Variants in DAB1 observed in about 807,000 individuals in gnomAD.
The protein encoded by DAB1 is disabled homolog 1.
DAB1 carries 15 observed loss-of-function variants against 64.6 expected under a neutral mutation model. That is an observed-to-expected ratio of 0.23 (90% CI 0.16 to 0.36). DAB1 has a LOEUF of 0.36. Ranked by LOEUF, DAB1 falls within the 10% of genes least tolerant of loss-of-function variation. The probability of loss-of-function intolerance (pLI) is 1.00; values close to 1 mark genes in which losing one functional copy is unlikely to be tolerated. For missense variants in DAB1, 596 were observed against 706.7 expected (o/e 0.84, Z 1.78); for synonymous variants, 235 against 251.9 (o/e 0.93, Z 0.64).
chr1:57,381,738 T>C (rs1681394755), intron 1 of DAB1, among the ~76,000 whole-genome samples: 1 of 152,216 alleles, frequency 6.6e-6, no homozygotes, highest in African/African-American at 2.4e-5. Context: ...GTCTGTACAA[T>C]CAATTCTCTA....
intron 4 of DAB1, among the ~76,000 whole-genome samples, chr1:57,089,058 T>C (rs572760608): frequency 2.6e-5 from 4 of 152,366 alleles, no homozygotes; most frequent in Admixed American, 2.0e-4. Context: ...ATGCTTTTTG[T>C]GACTTTCCTT....
intron 4 of DAB1, among the ~76,000 whole-genome samples, chr1:58,244,911 G>A (rs1660462595): frequency 6.6e-6 from 1 of 152,110 alleles, no homozygotes; most frequent in South Asian, 2.1e-4. Context: ...CCTACCCAGA[G>A]GCAGATGCTA....
At chr1:57,121,489 C>T (rs759587935) in intron 4 of DAB1, among the ~76,000 whole-genome samples, 1 of 151,842 alleles carries the variant, frequency 6.6e-6, no homozygotes, top group South Asian at 2.1e-4. Flanking sequence ...AAGGAATTGT[C>T]CCAACTGGAA....
At chr1:57,993,989 G>A (rs1259992378) in intron 5 of DAB1, among the ~76,000 whole-genome samples, 1 of 152,144 alleles carries the variant, frequency 6.6e-6, no homozygotes, top group Non-Finnish European at 1.5e-5. Flanking sequence ...ATAAACCAAA[G>A]AGGTCTCTCT....
intron 2 of DAB1, among the ~76,000 whole-genome samples, chr1:57,211,034 T>C (rs1307663859): frequency 6.6e-6 from 1 of 152,230 alleles, no homozygotes; most frequent in East Asian, 1.9e-4. Flanking sequence ...TTTCATTTTG[T>C]TTCTCTTCAG....
chr1:57,925,655 G>C (rs1046562349), intron 5 of DAB1, among the ~76,000 whole-genome samples: 4 of 152,160 alleles, frequency 2.6e-5, no homozygotes, highest in African/African-American at 9.7e-5. Flanking sequence ...GTCCAATTCT[G>C]TCATTTTCCA....
chr1:58,291,740 CG>C (rs1661843721), intron 4 of DAB1, among the ~76,000 whole-genome samples: 1 of 152,028 alleles, frequency 6.6e-6, no homozygotes, highest in South Asian at 2.1e-4. Flanking sequence ...GGGAACCTGG[CG>C]GGGGGAGACA....
intron 7 of DAB1, among the ~76,000 whole-genome samples, chr1:57,460,747 C>T (rs181637217): frequency 2.0e-5 from 3 of 152,202 alleles, no homozygotes; most frequent in African/African-American, 4.8e-5. Flanking sequence ...TAGGTACATT[C>T]GCCAGCCCTC....
Position 57,044,354 on chromosome 1 carries a change from A to G in DAB1, c.724-18311T>C, listed in dbSNP as rs372190086. Among the ~76,000 whole-genome samples, 14 of 152,342 alleles carry G rather than the reference A, an allele frequency of 9.2e-5. No homozygotes were observed. The East Asian group carries it at 2.5e-3, about 27-fold the overall frequency. ...TAGACCTTATTTGAAAAATGGGTGA[A>G]GGAATGAATGCTTGAGCAGAGCAAT... On this transcript the variant is annotated intron_variant, in intron 9 of 14. Transcript: ENST00000371236.
intron 1 of DAB1, among the ~76,000 whole-genome samples, chr1:57,869,755 T>G (rs999675524): frequency 3.9e-5 from 6 of 152,150 alleles, no homozygotes; most frequent in Non-Finnish European, 8.8e-5. Flanking sequence ...AATTTATTAC[T>G]TCTCTCAGAA....
intron 1 of DAB1, among the ~76,000 whole-genome samples, chr1:57,413,687 T>TA (rs1276648794): frequency 7.3e-6 from 1 of 136,954 alleles, no homozygotes; most frequent in Non-Finnish European, 1.5e-5. Flanking sequence ...GAGCTTGCAG[T>TA]GAGCTGAGAT....
At chr1:58,079,569 T>A (rs1294834321) in intron 5 of DAB1, among the ~76,000 whole-genome samples, 3 of 137,530 alleles carry the variant, frequency 2.2e-5, no homozygotes, top group Non-Finnish European at 4.6e-5. Context: ...GTCGCCCAGG[T>A]TGGAGTGCAA....
At chr1:57,246,696 C>A (rs1423386403) in intron 2 of DAB1, among the ~76,000 whole-genome samples, 1 of 152,238 alleles carries the variant, frequency 6.6e-6, no homozygotes, top group Non-Finnish European at 1.5e-5. Flanking sequence ...GCCACAGGCA[C>A]TGAATGCCAG....
intron 5 of DAB1, among the ~76,000 whole-genome samples, chr1:58,030,454 C>G (rs1183483787): frequency 1.3e-5 from 2 of 152,158 alleles, no homozygotes; most frequent in East Asian, 3.8e-4. Flanking sequence ...TATCAAGCTC[C>G]ACACTCAAAA....
At chr1:58,388,228 A>C (rs1387481230) in intron 3 of DAB1, among the ~76,000 whole-genome samples, 1 of 151,760 alleles carries the variant, frequency 6.6e-6, no homozygotes. Context: ...CTCTGACACC[A>C]CTCTCCTTAT....
chr1:58,470,930 G>A (rs2100329763), intron 3 of DAB1, among the ~76,000 whole-genome samples: 1 of 152,268 alleles, frequency 6.6e-6, no homozygotes, highest in Middle Eastern at 3.4e-3. Context: ...CAGAATCGTA[G>A]CAGCAAAAGC....
At chr1:57,279,378 TA>T (rs1319822153) in intron 2 of DAB1, among the ~76,000 whole-genome samples, 2 of 152,238 alleles carry the variant, frequency 1.3e-5, no homozygotes, top group Admixed American at 6.5e-5. Flanking sequence ...AAATTTGTAT[TA>T]TTTTTTAATT....
chr1:57,682,168 T>C (rs1558605881), intron 6 of DAB1, among the ~76,000 whole-genome samples: 1 of 151,706 alleles, frequency 6.6e-6, no homozygotes, highest in Non-Finnish European at 1.5e-5. Flanking sequence ...AAAGAGAATT[T>C]TTAAAACATC....
chr1:57,132,935 G>A (rs552850512), intron 4 of DAB1, among the ~76,000 whole-genome samples: 5 of 152,186 alleles, frequency 3.3e-5, no homozygotes, highest in South Asian at 4.2e-4. Context: ...ATAAAATTTG[G>A]TATGCTATTA....
Sources: gnomAD v4.1 joint callset for allele counts (sites outside exome capture counted in the v4.1 genomes callset) on GRCh38, gnomAD v4.1.1 for gene constraint, MANE v1.5 for transcripts, NCBI Gene and HGNC (gene_info 2026-07-23, HGNC 2026-07-21) for gene names.